The following EIF4B variants were observed in gnomAD, a reference collection of about 807,000 sequenced individuals.
EIF4B encodes the protein eukaryotic translation initiation factor 4B.
Under a neutral mutation model 79.3 loss-of-function variants are expected in EIF4B, and 8 were observed. The ratio of observed to expected loss-of-function variants is 0.10; its 90% CI spans 0.06 to 0.18. The LOEUF is 0.18. EIF4B is among the 10% of genes least tolerant of loss of function. The pLI is 1.00. For synonymous variants in EIF4B, 238 were observed against 274.7 expected, an observed-to-expected ratio of 0.87 and a Z score of 1.32; for missense variants, 515 against 792.4, an observed-to-expected ratio of 0.65 and a Z score of 4.20.
At chr12:53,033,299 G>A (rs926090971) in intron 8 of EIF4B, among the ~76,000 whole-genome samples, 5 of 150,280 alleles carry the variant, frequency 3.3e-5, no homozygotes, top group Non-Finnish European at 7.4e-5. Flanking sequence ...GATTACAGAC[G>A]TGAGCCACCA....
chr12:53,040,372 A>G lies in EIF4B; in HGVS notation c.*149A>G, dbSNP rs1943613208. 1 of 766,370 alleles carries G rather than the reference A, an allele frequency of 1.3e-6. No individual in the cohort carries two copies. The allele number at this position is 766,370 out of a possible 1,614,324, so 47.5% of individuals were successfully genotyped here. ...TTTTTTAAAAACAAAAAATGAAATT[A>G]TTTTGCATGCTGCTGCAGCCTTTAA... On this transcript the variant is annotated 3_prime_UTR_variant, in exon 15 of 15. Transcript: ENST00000262056.
In EIF4B at chr12:53,027,774, T is replaced by C. The variant is rs771469736; in HGVS notation, c.668-8T>C. The C allele has an allele frequency of 1.2e-6, 2 of 1,610,750 alleles. No homozygotes were observed. The highest frequency in any genetic ancestry group is 2.2e-5 in the South Asian group (2 of 90,958). On this transcript the variant is annotated splice_polypyrimidine_tract_variant and splice_region_variant and intron_variant, in intron 6 of 14. Transcript: ENST00000262056. ...AAGGGGATGGTGTTACTTGTCTGTT[T>C]CCTCTAGAGTATCGAGATCGTTATG...
Position 53,022,132 on chromosome 12 carries a change from C to G in EIF4B, c.532+272C>G, listed in dbSNP as rs557085623. ...CCCATCAACAAAGAATTATGCAGCC[C>G]AAAATGCATGTCAAGATTGAGAAGA... On this transcript the variant is annotated intron_variant, in intron 5 of 14. Transcript: ENST00000262056. The G allele has an allele frequency of 1.2e-4, 75 of 649,818 alleles. No homozygotes were observed. In the African/African-American group the frequency reaches 1.3e-3, roughly 11 times the overall value. The allele number at this position is 649,818 out of a possible 1,614,324, so 40.3% of individuals were successfully genotyped here. A position where few individuals can be genotyped will look rare whatever the true frequency, so the allele number is the denominator to read the frequency against.
Position 53,038,425 on chromosome 12 carries a change from A to G in EIF4B, c.1576+14A>G, listed in dbSNP as rs780147419. ...CAGGAAGGAAAGGTGAGCTCATAGT[A>G]TGGGAAATAGGTTTTTCACCTAGAA... On this transcript the variant is annotated intron_variant, in intron 12 of 14. Coordinates refer to ENST00000262056, the MANE Select transcript of EIF4B (RefSeq NM_001417.7). The G allele has an allele frequency of 5.1e-6, 8 of 1,579,164 alleles. No homozygotes were observed. Among genetic ancestry groups the G allele is most frequent in the African/African-American group, 4.1e-5 (3 of 72,984 alleles).
In EIF4B at chr12:53,028,046, A is replaced by G; in HGVS notation, c.837A>G (p.Arg279=). The G allele has an allele frequency of 6.2e-7, 1 of 1,612,794 alleles. No homozygotes were observed. Among genetic ancestry groups the G allele is most frequent in the Non-Finnish European group, 8.5e-7 (1 of 1,179,316 alleles). The part of the protein sequence containing the change: ...GYDSRIGSGR[R]AFGSGYRRDD... ...ATTCCCGGATAGGCAGTGGCAGAAG[A>G]GCATTTGGCAGTGGGTATCGCAGGG... is the stretch of plus-strand genomic sequence containing the variant. Residue 279 remains arginine, a synonymous_variant, in exon 8 of 15, where the codon AGA becomes AGG. Transcript: ENST00000262056.
intron 10 of EIF4B, among the ~76,000 whole-genome samples, chr12:53,036,798 C>T (rs1943548515): frequency 1.3e-5 from 2 of 152,188 alleles, no homozygotes; most frequent in South Asian, 4.1e-4. Flanking sequence ...ATGATCACAG[C>T]TCACCTCATC....
Position 53,037,395 on chromosome 12 carries a change from C to T in EIF4B, c.1307-14C>T. The T allele has an allele frequency of 6.2e-7, 1 of 1,608,150 alleles. No homozygotes were observed. Among genetic ancestry groups the T allele is most frequent in the Non-Finnish European group, 8.5e-7 (1 of 1,177,926 alleles). ...GCAGCCTGATAATTTGATATTTTCA[C>T]TCTGGCTTCACAGATGCACGAAGGA... On this transcript the variant is annotated splice_polypyrimidine_tract_variant and intron_variant, in intron 10 of 14. Coordinates refer to ENST00000262056, the MANE Select transcript of EIF4B (RefSeq NM_001417.7).
chr12:53,040,168 C>G lies in EIF4B; in HGVS notation c.1781C>G (p.Ala594Gly). 1 of 1,614,200 alleles carries G rather than the reference C, an allele frequency of 6.2e-7. No homozygotes were observed. Among genetic ancestry groups the G allele is most frequent in the Non-Finnish European group, 8.5e-7 (1 of 1,180,024 alleles). The part of the protein sequence containing the change: ...ASKFSSASKY[A>G]ALSVDGEDEN... ...AAGTTCAGTTCTGCAAGCAAGTATG[C>G]TGCTCTCTCTGTTGATGGTGAAGAT... Residue 594 changes from alanine to glycine, a missense_variant, in exon 15 of 15, where the codon GCT (alanine) becomes GGT (glycine). By Grantham distance (60) the Ala-to-Gly change is moderately conservative. Around this residue, in one of 6 missense-constraint regions of EIF4B, gnomAD observed 60 missense variants for 56.7 expected, o/e 1.06. Coordinates refer to ENST00000262056, the MANE Select transcript of EIF4B (RefSeq NM_001417.7).
At chr12:53,027,975 C>T (rs2120948308) in intron 7 of EIF4B, 40 bp from the exon 8 acceptor site, 1 of 1,606,330 alleles carries the variant, frequency 6.2e-7, no homozygotes, top group South Asian at 1.1e-5. Context: ...TTTTTTTTCC[C>T]CCTCCGCTGT....
rs538570647 is a variant in EIF4B at position 53,021,108 on chromosome 12, AATC to A, written c.478-696_478-694del. Reference sequence around the variant, plus strand: ...TAGATTCTACTATGAAATGAGGAAAAATCAGCAATAGAATTAATTGGGTTCAAA... The same window carrying A: ...TAGATTCTACTATGAAATGAGGAAAAAGCAATAGAATTAATTGGGTTCAAA... On this transcript the variant is annotated intron_variant, in intron 4 of 14. Transcript: ENST00000262056. 3.0e-3 allele frequency among the ~76,000 whole-genome samples: 454 copies of A among 152,290 alleles called. 2 individuals carry two copies. Among genetic ancestry groups the A allele is most frequent in the South Asian group, 6.0e-3 (29 of 4,818 alleles).
chr12:53,008,352 C>G (rs1009019977), intron 1 of EIF4B, among the ~76,000 whole-genome samples: 1 of 152,194 alleles, frequency 6.6e-6, no homozygotes, highest in African/African-American at 2.4e-5. Context: ...TCCTTTAATT[C>G]ACTTCAGTAA....
intron 6 of EIF4B, 83 bp downstream of exon 6, chr12:53,022,710 G>C (rs1472449721): frequency 2.0e-6 from 3 of 1,485,100 alleles, no homozygotes; most frequent in African/African-American, 1.4e-5. Context: ...CAGATGATCA[G>C]ATCACATTAA....
chr12:53,040,834 T>A lies in EIF4B; in HGVS notation c.*611T>A, dbSNP rs1006303171. On this transcript the variant is annotated 3_prime_UTR_variant, in exon 15 of 15. Coordinates refer to ENST00000262056, the MANE Select transcript of EIF4B (RefSeq NM_001417.7). ...AGGGGGGTAGTTGGGAGTGAGACTA[T>A]AGGCCATAAAGAATGGGACTGCATT... is the stretch of plus-strand genomic sequence containing the variant. 3 of 151,558 alleles carry A rather than the reference T, an allele frequency of 2.0e-5. No homozygotes were observed. Among genetic ancestry groups the A allele is most frequent in the African/African-American group, 7.3e-5 (3 of 41,266 alleles). The allele number at this position is 151,558 out of a possible 1,614,324, so 9.4% of individuals were successfully genotyped here.
chr12:53,027,136 A>ATTTTTTTT lies in EIF4B; in HGVS notation c.668-646_668-645insTTTTTTTT, dbSNP rs777111413. Among the ~76,000 whole-genome samples the ATTTTTTTT allele has an allele frequency of 3.4e-4, 10 of 29,480 alleles. No individual in the cohort carries two copies. The East Asian group carries it at 6.6e-3, about 19-fold the overall frequency. The allele number at this position is 29,480 out of a possible 152,430, so 19.3% of individuals were successfully genotyped here. On this transcript the variant is annotated intron_variant, in intron 6 of 14. Transcript: ENST00000262056. ...GAGACTGTCTCTCAAAAAAAAAAAA[A>ATTTTTTTT]ATTTTTTTTTTTTTTTTTTTTGAGA...
intron 3 of EIF4B, among the ~76,000 whole-genome samples, chr12:53,019,209 G>T (rs1416915033): frequency 6.6e-6 from 1 of 151,966 alleles, no homozygotes; most frequent in Non-Finnish European, 1.5e-5. Context: ...GTCCAGCCTG[G>T]CTAACGTGGT....
chr12:53,021,073 C>T (rs1943240614), intron 4 of EIF4B, among the ~76,000 whole-genome samples: 1 of 152,056 alleles, frequency 6.6e-6, no homozygotes, highest in African/African-American at 2.4e-5. Flanking sequence ...TCATTGTTAT[C>T]CTTCAACTGT....
At chr12:53,038,932 G>A (rs892306128) in intron 12 of EIF4B, 30 of 236,594 alleles carry the variant, frequency 1.3e-4, no homozygotes, top group Non-Finnish European at 1.3e-4. Context: ...CTTTGACGGG[G>A]AGAAAAAAAT....
chr12:53,016,293 G>C (rs527712836), intron 1 of EIF4B, among the ~76,000 whole-genome samples, 180 bp from the exon 2 acceptor site: 1 of 152,122 alleles, frequency 6.6e-6, no homozygotes, highest in Non-Finnish European at 1.5e-5. Flanking sequence ...TAGGTATTCT[G>C]CAACTTTTAA....
At chr12:53,015,666 G>A (rs1342408013) in intron 1 of EIF4B, among the ~76,000 whole-genome samples, 2 of 134,404 alleles carry the variant, frequency 1.5e-5, no homozygotes, top group African/African-American at 5.3e-5. Flanking sequence ...GGACAACAGA[G>A]CAAGACCCTG....
Sources: allele counts gnomAD v4.1 joint callset (sites outside exome capture counted in the v4.1 genomes callset), GRCh38; gene constraint gnomAD v4.1.1; regional missense constraint gnomAD v4.1.1; transcripts MANE v1.5; gene names NCBI Gene and HGNC (gene_info 2026-07-23, HGNC 2026-07-21).